Variants in GNAS-AS1 observed in about 807,000 individuals in gnomAD.
GNAS-AS1 encodes the protein GNAS antisense RNA 1, also known as GNAS antisense RNA 1 (non-protein coding).
intron 2 of GNAS-AS1, among the ~76,000 whole-genome samples, chr20:58,844,808 CAAA>C (rs760229478): frequency 6.6e-6 from 1 of 150,990 alleles, no homozygotes; most frequent in Non-Finnish European, 1.5e-5. Flanking sequence ...AAAAAAAAAA[CAAA>C]ACAAAACAAC....
chr20:58,825,906 T>C (rs1230196065), intron 4 of GNAS-AS1: 1 of 394,686 alleles, frequency 2.5e-6, no homozygotes, highest in East Asian at 3.6e-5. Context: ...CCACTGCTGC[T>C]GCTGCACAAA....
At chr20:58,848,950 G>A in intron 1 of GNAS-AS1, 1 of 398,458 alleles carries the variant, frequency 2.5e-6, no homozygotes, top group Non-Finnish European at 4.4e-6. Context: ...GAAAAAAGGG[G>A]GAATATCAGG....
chr20:58,845,035 C>CGTGT (rs3842443), intron 2 of GNAS-AS1, among the ~76,000 whole-genome samples: 60 of 151,110 alleles, frequency 4.0e-4, no homozygotes, highest in Non-Finnish European at 7.5e-4. Context: ...GTGTGTTTTA[C>CGTGT]GTGTGTGTGT....
intron 2 of GNAS-AS1, among the ~76,000 whole-genome samples, chr20:58,846,130 G>A (rs1040943678): frequency 2.0e-5 from 3 of 152,140 alleles, no homozygotes; most frequent in Non-Finnish European, 4.4e-5. Context: ...GAAGATGTGG[G>A]TAGATAAGAG....
intron 4 of GNAS-AS1, chr20:58,834,470 C>T (rs1007464024): frequency 2.7e-5 from 4 of 149,808 alleles, no homozygotes; most frequent in Non-Finnish European, 5.9e-5. Flanking sequence ...ACAGCCGGAA[C>T]TCAAGATGAA....
intron 4 of GNAS-AS1, among the ~76,000 whole-genome samples, chr20:58,838,401 A>G (rs2085625528): frequency 6.6e-6 from 1 of 152,152 alleles, no homozygotes; most frequent in Admixed American, 6.5e-5. Context: ...CCCTGATCCA[A>G]TCATTTTCTC....
At chr20:58,837,759 G>C (rs2085614622) in intron 4 of GNAS-AS1, among the ~76,000 whole-genome samples, 1 of 152,176 alleles carries the variant, frequency 6.6e-6, no homozygotes, top group Admixed American at 6.5e-5. Flanking sequence ...CTATTTTAAT[G>C]CTACAAACTA....
chr20:58,842,410 G>A (rs1025724428), intron 3 of GNAS-AS1: 3 of 398,398 alleles, frequency 7.5e-6, no homozygotes, highest in Non-Finnish European at 1.3e-5. Context: ...CCTAAGAAAA[G>A]GATGATGATA....
intron 4 of GNAS-AS1, among the ~76,000 whole-genome samples, chr20:58,820,990 G>A (rs2085482787): frequency 1.3e-5 from 2 of 152,166 alleles, no homozygotes; most frequent in African/African-American, 4.8e-5. Context: ...GGGCAGCTCA[G>A]CTCCTGCTCT....
chr20:58,840,141 G>T lies in GNAS-AS1; in HGVS notation n.819+1796C>A. 1 of 1,611,468 alleles carries T rather than the reference G, an allele frequency of 6.2e-7. No homozygotes were observed. On this transcript the variant is annotated intron_variant and non_coding_transcript_variant, in intron 4 of 4. Transcript: ENST00000424094. The surrounding 1 kb of genome is among the most constrained non-coding windows in gnomAD (Gnocchi z 6.0). ...AGGTCCCGGGCTCAGCAGTGGCGCC[G>T]AGCTCGCCATAATTACAACGACCTG... is the stretch of plus-strand genomic sequence containing the variant.
chr20:58,822,958 C>A (rs559000616), intron 4 of GNAS-AS1, among the ~76,000 whole-genome samples: 4 of 152,142 alleles, frequency 2.6e-5, no homozygotes, highest in Non-Finnish European at 4.4e-5. Context: ...GTTCTGTCCG[C>A]CCCTGGCCCC....
At position 58,841,840 on chromosome 20, in the gene GNAS-AS1, C is replaced by A. The variant is rs1473995939; in HGVS notation, n.819+97G>T. On this transcript the variant is annotated intron_variant and non_coding_transcript_variant, in intron 4 of 4. Coordinates refer to ENST00000424094, the Ensembl canonical transcript of GNAS-AS1. This position sits in a 1 kb window ranked among gnomAD's most constrained non-coding sequence, Gnocchi z 5.0. ...GACGTCCTGGGCTGTTTGCGCAGGACCTCTGGAGGCCCTCGAGATCGTCGC... is the reference window on the plus strand; with the variant it reads ...GACGTCCTGGGCTGTTTGCGCAGGAACTCTGGAGGCCCTCGAGATCGTCGC... The A allele has an allele frequency of 3.2e-6, 4 of 1,230,862 alleles. No individual in the cohort carries two copies. The highest frequency in any genetic ancestry group is 4.0e-6 in the Non-Finnish European group (4 of 987,974). The allele number at this position is 1,230,862 out of a possible 1,614,324, so 76.2% of individuals were successfully genotyped here. A position where few individuals can be genotyped will look rare whatever the true frequency, so the allele number is the denominator to read the frequency against.
chr20:58,841,752 G>C lies in GNAS-AS1; in HGVS notation n.819+185C>G. ...TTGAACGCACAGGCATGGTCACGTC[G>C]GGGTATTGCCAAGCTTTTGGCGCAG... On this transcript the variant is annotated intron_variant and non_coding_transcript_variant, in intron 4 of 4. Coordinates refer to ENST00000424094, the Ensembl canonical transcript of GNAS-AS1. The surrounding 1 kb of genome is among the most constrained non-coding windows in gnomAD (Gnocchi z 5.0). The C allele has an allele frequency of 1.6e-6, 2 of 1,228,900 alleles. No homozygotes were observed. The highest frequency in any genetic ancestry group is 2.0e-6 in the Non-Finnish European group (2 of 986,664). 76.1% of individuals were successfully genotyped at this position (1,228,900 alleles called of 1,614,324 possible).
chr20:58,828,595 G>A (rs1282062909), intron 4 of GNAS-AS1, among the ~76,000 whole-genome samples: 1 of 152,198 alleles, frequency 6.6e-6, no homozygotes, highest in Non-Finnish European at 1.5e-5. Flanking sequence ...TCCAGCTCCA[G>A]GATGACTCCT....
chr20:58,819,514 G>C lies in GNAS-AS1; in HGVS notation n.820-259C>G, dbSNP rs373858932. Among the ~76,000 whole-genome samples the C allele has an allele frequency of 3.3e-5, 5 of 152,272 alleles. No individual in the cohort carries two copies. The East Asian group carries it at 7.7e-4, about 24-fold the overall frequency. ...TGAAAACATGGCCCTTTTTCTGATG[G>C]GGGGAGAGCAGGTTTCAATGAAATG... On this transcript the variant is annotated intron_variant and non_coding_transcript_variant, in intron 4 of 4. Transcript: ENST00000424094.
chr20:58,832,282 A>G (rs1014110916), intron 4 of GNAS-AS1, among the ~76,000 whole-genome samples: 4 of 152,250 alleles, frequency 2.6e-5, no homozygotes, highest in Admixed American at 6.5e-5. Flanking sequence ...AAATTACATG[A>G]AGAAAACACA....
At chr20:58,826,963 C>G (rs574355103) in intron 4 of GNAS-AS1, 1 of 148,944 alleles carries the variant, frequency 6.7e-6, no homozygotes, top group African/African-American at 2.5e-5. Flanking sequence ...CTGCCTGCCT[C>G]GGCCTCCCAA....
Position 58,841,264 on chromosome 20 carries a change from C to A in GNAS-AS1, n.819+673G>T. The A allele has an allele frequency of 5.0e-6, 5 of 996,890 alleles. No individual in the cohort carries two copies. Among genetic ancestry groups the A allele is most frequent in the Non-Finnish European group, 6.2e-6 (5 of 805,562 alleles). The allele number at this position is 996,890 out of a possible 1,614,324, so 61.8% of individuals were successfully genotyped here. On this transcript the variant is annotated intron_variant and non_coding_transcript_variant, in intron 4 of 4. Coordinates refer to ENST00000424094, the Ensembl canonical transcript of GNAS-AS1. The surrounding 1 kb of genome is among the most constrained non-coding windows in gnomAD (Gnocchi z 5.0). The stretch of plus-strand genomic sequence containing the variant: ...CGCGCTTTTCTTCCTCCTAGAAAGA[C>A]TAGTCTCAAATAAGTTGGCCTTCTC...
At position 58,841,812 on chromosome 20, in the gene GNAS-AS1, G is replaced by A; in HGVS notation, n.819+125C>T. ...TGGCCAGGCTGCATGCGGCTTAGCA[G>A]GAGACGTCCTGGGCTGTTTGCGCAG... On this transcript the variant is annotated intron_variant and non_coding_transcript_variant, in intron 4 of 4. Transcript: ENST00000424094. The surrounding 1 kb of genome is among the most constrained non-coding windows in gnomAD (Gnocchi z 5.0). 2 of 1,230,948 alleles carry A rather than the reference G, an allele frequency of 1.6e-6. No homozygotes were observed. The highest frequency in any genetic ancestry group is 2.0e-6 in the Non-Finnish European group (2 of 987,986). 76.3% of individuals were successfully genotyped at this position (1,230,948 alleles called of 1,614,324 possible).
Sources: gnomAD v4.1 joint callset for allele counts (sites outside exome capture counted in the v4.1 genomes callset) on GRCh38, gnomAD v4.1.1 for gene constraint, Gnocchi (gnomAD v3.1) non-coding constraint, MANE v1.5 for transcripts, NCBI Gene and HGNC (gene_info 2026-07-23, HGNC 2026-07-21) for gene names.